GALNT13: variants seen among roughly 807,000 people sequenced by gnomAD.
GALNT13 encodes the protein polypeptide N-acetylgalactosaminyltransferase 13, also known as UDP-GalNAc:polypeptide N-acetylgalactosaminyltransferase 13.
GALNT13 carries 28 observed loss-of-function variants against 64.2 expected under a neutral mutation model. That is an observed-to-expected ratio of 0.44 (90% CI 0.32 to 0.60). The LOEUF is 0.60. Among genes scored for constraint, GALNT13 ranks in the 20% least tolerant of loss-of-function variants. GALNT13 has a pLI of 0.05. For synonymous variants in GALNT13, 214 were observed against 224.6 expected (o/e 0.95, Z 0.42); for missense variants, 577 against 669.8 (o/e 0.86, Z 1.53).
chr2:153,297,845 A>G, the GALNT13 span, among the ~76,000 whole-genome samples: 5 of 152,332 alleles, frequency 3.3e-5, no homozygotes, highest in Middle Eastern at 0.01. Flanking sequence ...CTCTGAATGA[A>G]GGTGTCACAA....
rs141848393 is a variant in GALNT13 at position 154,060,250 on chromosome 2, T to A, written c.143-80087T>A. Among the ~76,000 whole-genome samples, 859 of 152,334 alleles carry A rather than the reference T, an allele frequency of 5.6e-3. 7 individuals are homozygous for A. Among genetic ancestry groups the A allele is most frequent in the African/African-American group, 0.02 (821 of 41,572 alleles). ...AAGCCACCCAGGCTATGCTACTTTG[T>A]TGTAATAGCTTGAGCTGACTAAGAT... is the stretch of plus-strand genomic sequence containing the variant. On this transcript the variant is annotated intron_variant, in intron 3 of 12. Coordinates refer to ENST00000392825, the MANE Select transcript of GALNT13 (RefSeq NM_052917.4).
At chr2:153,394,692 C>T in the GALNT13 span, among the ~76,000 whole-genome samples, 4 of 152,116 alleles carry the variant, frequency 2.6e-5, no homozygotes, top group Non-Finnish European at 4.4e-5. Context: ...ATGTTAAATA[C>T]ATAATGTCTT....
chr2:153,802,700 A>C, the GALNT13 span, among the ~76,000 whole-genome samples: 1 of 152,224 alleles, frequency 6.6e-6, no homozygotes, highest in East Asian at 1.9e-4. Context: ...GAGGAGAAAT[A>C]GCTTCAACAT....
intron 4 of GALNT13, among the ~76,000 whole-genome samples, chr2:154,143,860 C>CAAAAAA: frequency 1.7e-5 from 1 of 58,902 alleles, no homozygotes; most frequent in Non-Finnish European, 2.7e-5. Flanking sequence ...GACTCTGTCT[C>CAAAAAA]AAAAAAAAAA....
chr2:154,180,212 C>G (rs931222327), intron 4 of GALNT13, among the ~76,000 whole-genome samples: 1 of 152,020 alleles, frequency 6.6e-6, no homozygotes, highest in Non-Finnish European at 1.5e-5. Flanking sequence ...GCTTTTTATT[C>G]AGTGACTCTT....
At chr2:153,400,290 G>A in the GALNT13 span, among the ~76,000 whole-genome samples, 1 of 152,046 alleles carries the variant, frequency 6.6e-6, no homozygotes, top group Non-Finnish European at 1.5e-5. Flanking sequence ...TCATCATGGT[G>A]GATAAGCTTT....
At chr2:153,721,105 C>T in the GALNT13 span, among the ~76,000 whole-genome samples, 385 of 147,670 alleles carry the variant, frequency 2.6e-3, 12 homozygotes, top group Admixed American at 0.023. Context: ...AGACTAACAG[C>T]GGATCTCTCG....
At chr2:154,113,811 G>A (rs1703122556) in intron 3 of GALNT13, among the ~76,000 whole-genome samples, 2 of 152,256 alleles carry the variant, frequency 1.3e-5, no homozygotes, top group African/African-American at 4.8e-5. Context: ...AGGTAGGACA[G>A]TAAAGGTGCA....
At chr2:153,904,588 A>C (rs1302449957) in intron 2 of GALNT13, among the ~76,000 whole-genome samples, 1 of 151,904 alleles carries the variant, frequency 6.6e-6, no homozygotes, top group Non-Finnish European at 1.5e-5. Context: ...ATAGCCATGA[A>C]CATATTATTG....
chr2:153,379,676 A>G, the GALNT13 span, among the ~76,000 whole-genome samples: 1 of 152,182 alleles, frequency 6.6e-6, no homozygotes, highest in African/African-American at 2.4e-5. Context: ...GTTTAATACC[A>G]CAAAAGAACT....
the GALNT13 span, among the ~76,000 whole-genome samples, chr2:153,097,194 T>C: frequency 7.2e-5 from 11 of 152,102 alleles, no homozygotes; most frequent in Non-Finnish European, 1.6e-4. Context: ...ACTTATACTG[T>C]TTCTATTTAT....
chr2:153,297,035 G>A, the GALNT13 span, among the ~76,000 whole-genome samples: 2 of 152,024 alleles, frequency 1.3e-5, no homozygotes, highest in Non-Finnish European at 2.9e-5. Context: ...TCTCCTTTGA[G>A]GAAAAAGAAT....
At chr2:153,809,871 C>A in the GALNT13 span, among the ~76,000 whole-genome samples, 1 of 152,166 alleles carries the variant, frequency 6.6e-6, no homozygotes, top group African/African-American at 2.4e-5. Flanking sequence ...TGTCTCTCAA[C>A]CCCTATTTTC....
intron 3 of GALNT13, among the ~76,000 whole-genome samples, chr2:153,973,465 A>T (rs1442842975): frequency 6.6e-6 from 1 of 152,018 alleles, no homozygotes; most frequent in East Asian, 1.9e-4. Flanking sequence ...CTCACTGAAG[A>T]TTTCTGCAAT....
At chr2:154,097,004 A>T (rs1702104865) in intron 3 of GALNT13, among the ~76,000 whole-genome samples, 1 of 63,398 alleles carries the variant, frequency 1.6e-5, no homozygotes, top group Admixed American at 1.1e-4. Context: ...ATAAGAAAAT[A>T]AGTAAGTAAG....
chr2:153,079,122 G>A, the GALNT13 span, among the ~76,000 whole-genome samples: 2 of 152,114 alleles, frequency 1.3e-5, no homozygotes, highest in Non-Finnish European at 2.9e-5. Context: ...GAGTATGTTT[G>A]TCATACTCAT....
At chr2:153,770,263 C>A in the GALNT13 span, among the ~76,000 whole-genome samples, 1 of 149,208 alleles carries the variant, frequency 6.7e-6, no homozygotes, top group Non-Finnish European at 1.5e-5. Flanking sequence ...CCCACCCTAC[C>A]CCTCATTGTG....
chr2:153,281,889 C>T, the GALNT13 span, among the ~76,000 whole-genome samples: 1 of 148,036 alleles, frequency 6.8e-6, no homozygotes. Flanking sequence ...ATCTTCATTT[C>T]ATATAATATC....
the GALNT13 span, among the ~76,000 whole-genome samples, chr2:153,157,260 T>C: frequency 6.6e-6 from 1 of 152,204 alleles, no homozygotes; most frequent in Non-Finnish European, 1.5e-5. Flanking sequence ...TTATTTGCAA[T>C]GATAAACTCA....
Sources: gnomAD v4.1 joint callset for allele counts (sites outside exome capture counted in the v4.1 genomes callset) on GRCh38, gnomAD v4.1.1 for gene constraint, MANE v1.5 for transcripts, NCBI Gene and HGNC (gene_info 2026-07-23, HGNC 2026-07-21) for gene names.